The following ROR1 variants were observed in gnomAD, a reference collection of about 807,000 sequenced individuals.
ROR1 encodes inactive tyrosine-protein kinase transmembrane receptor ROR1.
In ROR1, 19 loss-of-function variants were observed where a neutral mutation model predicts 78.8. That is an observed-to-expected ratio of 0.24 (90% CI 0.17 to 0.35). The LOEUF is 0.35. Among genes scored for constraint, ROR1 ranks in the 10% least tolerant of loss-of-function variants. ROR1 has a pLI of 1.00. For missense variants in ROR1, 917 were observed against 1,177.8 expected (o/e 0.78, Z 3.24); for synonymous variants, 386 against 433.6 (o/e 0.89, Z 1.36).
At chr1:63,814,685 A>G (rs141243608) in intron 1 of ROR1, among the ~76,000 whole-genome samples, 1,884 of 152,114 alleles carry the variant, frequency 0.012, 36 homozygotes, top group African/African-American at 0.042. Flanking sequence ...TGCAGTTCAC[A>G]ACAGGGTTCG....
chr1:63,996,754 G>A (rs777403015), intron 1 of ROR1, among the ~76,000 whole-genome samples: 1 of 152,040 alleles, frequency 6.6e-6, no homozygotes, highest in Non-Finnish European at 1.5e-5. Context: ...TTAACAGTGC[G>A]CTAGAGGGGG....
chr1:63,783,115 C>T (rs1315872612), intron 1 of ROR1, among the ~76,000 whole-genome samples: 1 of 152,092 alleles, frequency 6.6e-6, no homozygotes, highest in African/African-American at 2.4e-5. Context: ...CAGGCCTTCA[C>T]TGTGGAATGA....
In ROR1 at chr1:64,180,597, T is replaced by C. The variant is rs1254312256; in HGVS notation, c.*1742T>C. 1 of 152,228 alleles carries C rather than the reference T, an allele frequency of 6.6e-6. No homozygotes were observed. Among genetic ancestry groups the C allele is most frequent in the Non-Finnish European group, 1.5e-5 (1 of 68,032 alleles). The allele number at this position is 152,228 out of a possible 1,614,324, so 9.4% of individuals were successfully genotyped here. On this transcript the variant is annotated 3_prime_UTR_variant, in exon 9 of 9. Coordinates refer to ENST00000371079, the MANE Select transcript of ROR1 (RefSeq NM_005012.4). Reference sequence around the variant, plus strand: ...CTGGGAGATAAATTAAAACATATTTTTGTGGCATAAATAAGCTGATTCAGA... The same window carrying C: ...CTGGGAGATAAATTAAAACATATTTCTGTGGCATAAATAAGCTGATTCAGA...
At chr1:64,172,131 A>T (rs1650259959) in intron 8 of ROR1, among the ~76,000 whole-genome samples, 1 of 152,156 alleles carries the variant, frequency 6.6e-6, no homozygotes, top group Non-Finnish European at 1.5e-5. Flanking sequence ...AAGTTAAGAG[A>T]TCTAAAAGTT....
chr1:64,057,418 G>C (rs1471736056), intron 4 of ROR1, among the ~76,000 whole-genome samples: 1 of 152,124 alleles, frequency 6.6e-6, no homozygotes, highest in Non-Finnish European at 1.5e-5. Context: ...GTATTCCACT[G>C]GAGAAACAAA....
rs771956421 is a variant in ROR1 at position 64,178,833 on chromosome 1, C to T, written c.2792C>T (p.Ser931Phe). The T allele has an allele frequency of 1.9e-6, 3 of 1,613,356 alleles. No individual in the cohort carries two copies. The highest frequency in any genetic ancestry group is 2.5e-6 in the Non-Finnish European group (3 of 1,179,594). Reference sequence around the variant, plus strand: ...GCCAATATTCATGGACACACCGAATCTATGATTTCTGCAGAACTGTAAAAT... The same window carrying T: ...GCCAATATTCATGGACACACCGAATTTATGATTTCTGCAGAACTGTAAAAT... Reference protein sequence around the residue: ...GDANIHGHTESMISAEL With the variant: ...GDANIHGHTEFMISAEL The change falls in exon 9 of 9, where the codon TCT (serine) becomes TTT (phenylalanine). Residue 931 changes from serine to phenylalanine, a missense_variant. Coordinates refer to ENST00000371079, the MANE Select transcript of ROR1 (RefSeq NM_005012.4). This position sits in a 1 kb window ranked among gnomAD's most constrained non-coding sequence, Gnocchi z 4.3.
At chr1:63,856,947 T>C (rs1030169645) in intron 1 of ROR1, among the ~76,000 whole-genome samples, 2 of 152,112 alleles carry the variant, frequency 1.3e-5, no homozygotes, top group African/African-American at 4.8e-5. Flanking sequence ...CTCCTCTCCC[T>C]GCGTTGTTCT....
intron 1 of ROR1, among the ~76,000 whole-genome samples, chr1:63,992,869 T>C (rs1646307086): frequency 6.6e-6 from 1 of 152,208 alleles, no homozygotes; most frequent in African/African-American, 2.4e-5. Flanking sequence ...CTCTTCTTCC[T>C]GCCTCTTCTT....
At chr1:64,121,062 T>C (rs1648515944) in intron 4 of ROR1, among the ~76,000 whole-genome samples, 1 of 30,296 alleles carries the variant, frequency 3.3e-5, no homozygotes, top group Non-Finnish European at 7.6e-5. Context: ...GATACCCCTT[T>C]TTTTTTTTTT....
chr1:64,144,464 A>G (rs891504204), intron 7 of ROR1, among the ~76,000 whole-genome samples: 4 of 152,336 alleles, frequency 2.6e-5, no homozygotes, highest in African/African-American at 9.6e-5. Flanking sequence ...GTGCAAGACA[A>G]TGAAAGCTAG....
intron 1 of ROR1, among the ~76,000 whole-genome samples, chr1:63,924,647 A>T (rs1645684816): frequency 6.6e-6 from 1 of 152,204 alleles, no homozygotes; most frequent in Non-Finnish European, 1.5e-5. Flanking sequence ...GCTCATAGCA[A>T]CTAACCATGA....
At chr1:64,084,769 T>C (rs1557644004) in intron 4 of ROR1, among the ~76,000 whole-genome samples, 1 of 152,222 alleles carries the variant, frequency 6.6e-6, no homozygotes, top group Admixed American at 6.5e-5. Flanking sequence ...GACAAAGCTC[T>C]TTATTCTGCT....
intron 7 of ROR1, chr1:64,143,185 G>A (rs1469214678): frequency 2.0e-6 from 2 of 989,630 alleles, no homozygotes; most frequent in African/African-American, 3.5e-5. Flanking sequence ...GAATTCCTGA[G>A]TCAGTTAACT....
chr1:63,915,218 C>A (rs1645600012), intron 1 of ROR1, among the ~76,000 whole-genome samples: 1 of 152,208 alleles, frequency 6.6e-6, no homozygotes, highest in Admixed American at 6.5e-5. Flanking sequence ...ACCATCTCAA[C>A]CCATGTCACC....
chr1:63,974,240 G>A (rs575111368), intron 1 of ROR1, among the ~76,000 whole-genome samples: 1 of 152,278 alleles, frequency 6.6e-6, no homozygotes, highest in African/African-American at 2.4e-5. Flanking sequence ...ATTCTTACTA[G>A]CTGTGTGGCC....
chr1:63,810,945 G>A (rs1644856628), intron 1 of ROR1, among the ~76,000 whole-genome samples: 1 of 152,200 alleles, frequency 6.6e-6, no homozygotes, highest in Admixed American at 6.5e-5. Context: ...ACTCCTGAAT[G>A]TGGACCCCAG....
intron 1 of ROR1, among the ~76,000 whole-genome samples, chr1:63,979,263 G>T (rs559881728): frequency 6.6e-6 from 1 of 152,136 alleles, no homozygotes; most frequent in African/African-American, 2.4e-5. Context: ...TGACTCGGGG[G>T]TACTGTATCA....
At chr1:64,036,625 T>C (rs1359179) in intron 2 of ROR1, among the ~76,000 whole-genome samples, 97,908 of 151,346 alleles carry the variant, frequency 0.65, 35,541 homozygotes, top group East Asian at 0.88. Context: ...GCACGGAATC[T>C]GTCACAAGAT....
At chr1:64,161,792 G>A (rs891419482) in intron 8 of ROR1, among the ~76,000 whole-genome samples, 8 of 147,428 alleles carry the variant, frequency 5.4e-5, no homozygotes, top group Non-Finnish European at 1.1e-4. Context: ...GAGGGGAAAG[G>A]AAACAACAAA....
Sources: allele counts gnomAD v4.1 joint callset (sites outside exome capture counted in the v4.1 genomes callset), GRCh38; gene constraint gnomAD v4.1.1; non-coding constraint Gnocchi (gnomAD v3.1); transcripts MANE v1.5; gene names NCBI Gene and HGNC (gene_info 2026-07-23, HGNC 2026-07-21).